The following DYRK1A variants were observed in gnomAD, a reference collection of about 807,000 sequenced individuals.
DYRK1A encodes dual specificity tyrosine-phosphorylation-regulated kinase 1A.
DYRK1A carries 9 observed loss-of-function variants against 79.7 expected under a neutral mutation model. The ratio of observed to expected loss-of-function variants is 0.11; its 90% CI spans 0.07 to 0.20. DYRK1A has a LOEUF of 0.20. Among genes scored for constraint, DYRK1A ranks in the 10% least tolerant of loss-of-function variants. The pLI is 1.00. For synonymous variants in DYRK1A, 349 were observed against 329.7 expected (o/e 1.06, Z -0.63); for missense variants, 622 against 956.0 (o/e 0.65, Z 4.61).
chr21:37,478,341 T>G (rs1370928063), intron 4 of DYRK1A, 41 bp downstream of exon 4: 2 of 1,569,424 alleles, frequency 1.3e-6, no homozygotes, highest in Non-Finnish European at 1.7e-6. Context: ...TCTTGCAGTA[T>G]GTCATTGAGA....
intron 3 of DYRK1A, among the ~76,000 whole-genome samples, chr21:37,476,143 A>G (rs948750484): frequency 6.6e-6 from 1 of 152,176 alleles, no homozygotes; most frequent in Non-Finnish European, 1.5e-5. Context: ...TAGTAGCTGC[A>G]CTACGATAAT....
chr21:37,380,127 CA>C (rs1569279425), intron 1 of DYRK1A, among the ~76,000 whole-genome samples: 2 of 152,128 alleles, frequency 1.3e-5, no homozygotes, highest in Non-Finnish European at 1.5e-5. Context: ...GTCCTTTTAA[CA>C]GTTAATTTTG....
intron 1 of DYRK1A, among the ~76,000 whole-genome samples, chr21:37,417,501 TTTTTC>T (rs200290422): frequency 8.0e-4 from 108 of 135,408 alleles, no homozygotes; most frequent in East Asian, 1.1e-3. Flanking sequence ...GTATTTTTTA[TTTTTC>T]TTTTCTTTTT....
At chr21:37,479,906 T>C (rs1211829887) in intron 4 of DYRK1A, among the ~76,000 whole-genome samples, 1 of 151,998 alleles carries the variant, frequency 6.6e-6, no homozygotes, top group Non-Finnish European at 1.5e-5. Context: ...GGATTACAGG[T>C]GTGAGCCACC....
At chr21:37,416,145 C>T (rs928115765) in intron 1 of DYRK1A, among the ~76,000 whole-genome samples, 3 of 152,106 alleles carry the variant, frequency 2.0e-5, no homozygotes, top group South Asian at 2.1e-4. Flanking sequence ...ATGGAAGTAA[C>T]ACTACCTACT....
chr21:37,488,476 G>T (rs1220966489), intron 6 of DYRK1A: 1 of 781,030 alleles, frequency 1.3e-6, no homozygotes, highest in East Asian at 1.3e-4. Context: ...CTTCTTTACT[G>T]TGTAGCCAAA....
chr21:37,413,217 T>C (rs2050274969), intron 1 of DYRK1A, among the ~76,000 whole-genome samples: 1 of 152,212 alleles, frequency 6.6e-6, no homozygotes, highest in African/African-American at 2.4e-5. Flanking sequence ...AAATGTAAGC[T>C]ATTCATGCAG....
chr21:37,433,047 A>AT (rs945088610), intron 2 of DYRK1A, among the ~76,000 whole-genome samples: 3 of 148,430 alleles, frequency 2.0e-5, no homozygotes, highest in African/African-American at 7.4e-5. Flanking sequence ...AATTCTAAAT[A>AT]TATATATATA....
Position 37,515,848 on chromosome 21 carries a change from AT to A in DYRK1A, c.*3322del. On this transcript the variant is annotated 3_prime_UTR_variant, in exon 12 of 12. Coordinates refer to ENST00000647188, the MANE Select transcript of DYRK1A (RefSeq NM_001347721.2). ...ATTGGGCTGAAAAAAAAAAACCGAC[AT>A]TTTTATTTAAAACTACATGTAAAAA... 6.6e-6 allele frequency: 1 copy of A among 151,932 alleles called. No individual in the cohort carries two copies. Among genetic ancestry groups the A allele is most frequent in the Admixed American group, 6.6e-5 (1 of 15,262 alleles). 9.4% of individuals were successfully genotyped at this position (151,932 alleles called of 1,614,324 possible). A position where few individuals can be genotyped will look rare whatever the true frequency, so the allele number is the denominator to read the frequency against.
rs1569396881 is a variant in DYRK1A, at chr21:37,505,333, A to G, written c.1263A>G (p.Glu421=). Residue 421 remains glutamate (E), a synonymous_variant, in exon 10 of 12, where the codon GAA becomes GAG. Coordinates refer to ENST00000647188, the MANE Select transcript of DYRK1A (RefSeq NM_001347721.2). Reference sequence around the variant, plus strand: ...AACTTCATAACATTCTTGGAGTGGAAACAGGAGGACCTGGTGGGCGACGTG... The same window carrying G: ...AACTTCATAACATTCTTGGAGTGGAGACAGGAGGACCTGGTGGGCGACGTG... ...TRKLHNILGV[E]TGGPGGRRAG... is the part of the protein sequence containing the mutation. 1 of 1,614,166 alleles carries G rather than the reference A, an allele frequency of 6.2e-7. No homozygotes were observed. Among genetic ancestry groups the G allele is most frequent in the Non-Finnish European group, 8.5e-7 (1 of 1,180,012 alleles).
chr21:37,378,282 C>T (rs189266319), intron 1 of DYRK1A, among the ~76,000 whole-genome samples: 3 of 152,326 alleles, frequency 2.0e-5, no homozygotes, highest in African/African-American at 4.8e-5. Context: ...CCTGTAATCC[C>T]AGCAATTTGG....
At chr21:37,449,280 A>C (rs150136721) in intron 2 of DYRK1A, among the ~76,000 whole-genome samples, 1 of 152,312 alleles carries the variant, frequency 6.6e-6, no homozygotes, top group South Asian at 2.1e-4. Flanking sequence ...AACACACCTA[A>C]TATTTCAGTG....
At chr21:37,491,701 A>G (rs2148616572) in intron 7 of DYRK1A, among the ~76,000 whole-genome samples, 1 of 152,330 alleles carries the variant, frequency 6.6e-6, no homozygotes, top group East Asian at 1.9e-4. Context: ...CGTAGTTAAT[A>G]TGTGGTAGAG....
At chr21:37,475,211 G>T (rs2052354221) in intron 3 of DYRK1A, among the ~76,000 whole-genome samples, 1 of 152,228 alleles carries the variant, frequency 6.6e-6, no homozygotes, top group Non-Finnish European at 1.5e-5. Context: ...GCAGGAGGAG[G>T]TCACCTCAAC....
intron 2 of DYRK1A, among the ~76,000 whole-genome samples, chr21:37,466,394 G>A (rs1051112687): frequency 6.6e-6 from 1 of 152,118 alleles, no homozygotes; most frequent in Non-Finnish European, 1.5e-5. Flanking sequence ...ATAAAAATAT[G>A]GGGAGATGAT....
chr21:37,392,704 G>T (rs2148388999), intron 1 of DYRK1A, among the ~76,000 whole-genome samples: 1 of 152,338 alleles, frequency 6.6e-6, no homozygotes, highest in South Asian at 2.1e-4. Flanking sequence ...TAGAAATTCT[G>T]TGGGGAACAC....
chr21:37,465,767 A>G (rs1191873518), intron 2 of DYRK1A, among the ~76,000 whole-genome samples: 1 of 152,012 alleles, frequency 6.6e-6, no homozygotes, highest in African/African-American at 2.4e-5. Context: ...ACCCTAGGAG[A>G]CAAAGGTGGC....
At chr21:37,491,714 T>G (rs574357243) in intron 7 of DYRK1A, among the ~76,000 whole-genome samples, 14 of 152,218 alleles carry the variant, frequency 9.2e-5, no homozygotes, top group Non-Finnish European at 1.8e-4. Context: ...TGGTAGAGTA[T>G]ATTGTGAATG....
chr21:37,505,682 T>A (rs1171324107), intron 10 of DYRK1A, 93 bp downstream of exon 10: 2 of 1,343,416 alleles, frequency 1.5e-6, no homozygotes, highest in Non-Finnish European at 2.0e-6. Flanking sequence ...AATTTGTTAA[T>A]AGAGTGGGGA....
Sources: gnomAD v4.1 joint callset for allele counts (sites outside exome capture counted in the v4.1 genomes callset) on GRCh38, gnomAD v4.1.1 for gene constraint, MANE v1.5 for transcripts, NCBI Gene and HGNC (gene_info 2026-07-23, HGNC 2026-07-21) for gene names.